PAX1: variants seen among roughly 807,000 people sequenced by gnomAD.
PAX1 encodes paired box 1.
In PAX1, 18 loss-of-function variants were observed where a neutral mutation model predicts 35.6. The ratio of observed to expected loss-of-function variants is 0.50; its 90% CI spans 0.35 to 0.75. The LOEUF is 0.75. Among genes scored for constraint, PAX1 ranks in the 30% least tolerant of loss-of-function variants. The probability of loss-of-function intolerance (pLI) is 0.01; values close to 1 mark genes in which losing one functional copy is unlikely to be tolerated. For synonymous variants in PAX1, 397 were observed against 305.2 expected, an observed-to-expected ratio of 1.30 and a Z score of -3.14; for missense variants, 760 against 661.5, an observed-to-expected ratio of 1.15 and a Z score of -1.63.
rs777916923 is a variant in PAX1 at position 21,705,897 on chromosome 20, G to T, written c.185G>T (p.Arg62Leu). 4.4e-6 allele frequency: 6 copies of T among 1,368,210 alleles called. No individual in the cohort carries two copies. In the South Asian group the frequency reaches 6.6e-5, roughly 15 times the overall value. The allele number at this position is 1,368,210 out of a possible 1,614,324, so 84.8% of individuals were successfully genotyped here. The change falls in exon 1 of 5, where the codon CGC becomes CTC. Residue 62 changes from arginine to leucine, a missense_variant. Around this residue, in one of 3 missense-constraint regions of PAX1, gnomAD observed 222 missense variants for 153.0 expected, o/e 1.45. Transcript: ENST00000613128. ...LSGALPLCLS[R>L]GGGGAQALPD... is the part of the protein sequence containing the mutation. ...GGCGCCCTCCCTCTATGCCTCTCAC[G>T]CGGCGGCGGCGGCGCCCAAGCTCTC...
chr20:21,717,704 T>C lies in PAX1; in HGVS notation c.*3142T>C, dbSNP rs1219075996. The C allele has an allele frequency of 6.6e-6, 1 of 152,198 alleles. No individual in the cohort carries two copies. Among genetic ancestry groups the C allele is most frequent in the African/African-American group, 2.4e-5 (1 of 41,454 alleles). The allele number at this position is 152,198 out of a possible 1,614,324, so 9.4% of individuals were successfully genotyped here. A position where few individuals can be genotyped will look rare whatever the true frequency, so the allele number is the denominator to read the frequency against. ...CATTTTTTTAATTTAAGAATAAGTT[T>C]TTTTTAGAAAAATATAGAGATGTAA... On this transcript the variant is annotated 3_prime_UTR_variant, in exon 5 of 5. Coordinates refer to ENST00000613128, the MANE Select transcript of PAX1 (RefSeq NM_001257096.2).
At chr20:21,711,769 C>G (rs1985205247) in intron 4 of PAX1, among the ~76,000 whole-genome samples, 1 of 152,148 alleles carries the variant, frequency 6.6e-6, no homozygotes, top group Non-Finnish European at 1.5e-5. Flanking sequence ...TACATACATG[C>G]TTGGGTTATG....
intron 3 of PAX1, 128 bp downstream of exon 3, chr20:21,708,828 C>T: frequency 2.1e-6 from 2 of 943,986 alleles, no homozygotes; most frequent in South Asian, 2.8e-5. Flanking sequence ...TGGCAGCCGG[C>T]TAGCAAGCGT....
chr20:21,708,243 C>G, intron 2 of PAX1: 1 of 519,156 alleles, frequency 1.9e-6, no homozygotes, highest in Non-Finnish European at 3.5e-6. Context: ...TCGGAAGTTT[C>G]TGGGAGCCGT....
chr20:21,713,377 T>TG (rs11482302), intron 4 of PAX1, among the ~76,000 whole-genome samples: 17,300 of 136,634 alleles, frequency 0.13, 2,084 homozygotes, highest in African/African-American at 0.36. Context: ...TGTTTTCTTT[T>TG]TTTTTTGTGT....
Position 21,705,824 on chromosome 20 carries a change from C to G in PAX1, c.112C>G (p.Gln38Glu). Residue 38 changes from glutamine to glutamate, a missense_variant, in exon 1 of 5, where the codon CAG becomes GAG. Gln to Glu is a conservative substitution (Grantham distance 29, BLOSUM62 2). Coordinates refer to ENST00000613128, the MANE Select transcript of PAX1 (RefSeq NM_001257096.2). ...AGGSALRCRA[Q>E]RVSSPRLGRR... The stretch of plus-strand genomic sequence containing the variant: ...CGGCAGCGCGCTCCGCTGCCGCGCA[C>G]AGCGCGTCTCCAGCCCGCGGCTGGG... 11 of 1,336,256 alleles carry G rather than the reference C, an allele frequency of 8.2e-6. No homozygotes were observed. In the South Asian group the frequency reaches 2.2e-4, roughly 27 times the overall value. The allele number at this position is 1,336,256 out of a possible 1,614,324, so 82.8% of individuals were successfully genotyped here. A position where few individuals can be genotyped will look rare whatever the true frequency, so the allele number is the denominator to read the frequency against.
At position 21,707,085 on chromosome 20, in the gene PAX1, C is replaced by T. The variant is rs1190431532; in HGVS notation, c.916+18C>T. The T allele has an allele frequency of 7.4e-6, 12 of 1,612,948 alleles. No individual in the cohort carries two copies. Among genetic ancestry groups the T allele is most frequent in the Non-Finnish European group, 1.0e-5 (12 of 1,179,996 alleles). ...GCAAACAGGTCAGTTGTGGCGGCCTCCGTAGCCTTCTATTAAGGGGCAGAA... is the reference window on the plus strand; with the variant it reads ...GCAAACAGGTCAGTTGTGGCGGCCTTCGTAGCCTTCTATTAAGGGGCAGAA... On this transcript the variant is annotated intron_variant, in intron 2 of 4. Transcript: ENST00000613128.
rs747727506 is a variant in PAX1, at chr20:21,708,695, A to C, written c.1054A>C (p.Thr352Pro). 11 of 1,613,460 alleles carry C rather than the reference A, an allele frequency of 6.8e-6. No homozygotes were observed. Among genetic ancestry groups the C allele is most frequent in the East Asian group, 2.2e-5 (1 of 44,866 alleles). ...KPALEADIKY[T>P]QSASTLSAVG... Reference sequence around the variant, plus strand: ...TGCCTTAGAGGCAGACATTAAATACACTCAGGTAACCAGGAGGCACGTGAG... The same window carrying C: ...TGCCTTAGAGGCAGACATTAAATACCCTCAGGTAACCAGGAGGCACGTGAG... Residue 352 changes from threonine to proline, a missense_variant, in exon 3 of 5, where the codon ACT becomes CCT. Around this residue, in one of 3 missense-constraint regions of PAX1, gnomAD observed 490 missense variants for 428.4 expected, o/e 1.14. Coordinates refer to ENST00000613128, the MANE Select transcript of PAX1 (RefSeq NM_001257096.2).
In PAX1 at chr20:21,708,600, T is replaced by A. The variant is rs1275580864; in HGVS notation, c.959T>A (p.Met320Lys). ...GAAGGCACCGCTTACTCTCCCAAGA[T>A]GGAAGACTGGGCCGGCGTGAACCGC... ...GSEGTAYSPK[M>K]EDWAGVNRTA... Residue 320 changes from methionine to lysine, a missense_variant, in exon 3 of 5, where the codon ATG becomes AAG. Transcript: ENST00000613128. 6.2e-7 allele frequency: 1 copy of A among 1,613,804 alleles called. No homozygotes were observed.
Position 21,709,179 on chromosome 20 carries a change from G to A in PAX1, c.1060-43G>A, listed in dbSNP as rs774406586. On this transcript the variant is annotated intron_variant, in intron 3 of 4. Transcript: ENST00000613128. ...CTCAGTGATGGCGTGGGCTAGAGAA[G>A]GCAGGATTTTCTGCTGCTGACGGTC... The A allele has an allele frequency of 3.4e-6, 5 of 1,456,136 alleles. No individual in the cohort carries two copies. The South Asian group carries it at 5.7e-5, about 17-fold the overall frequency. The allele number at this position is 1,456,136 out of a possible 1,614,324, so 90.2% of individuals were successfully genotyped here.
chr20:21,710,740 T>C (rs1985176639), intron 4 of PAX1, among the ~76,000 whole-genome samples: 1 of 152,198 alleles, frequency 6.6e-6, no homozygotes, highest in Admixed American at 6.5e-5. Context: ...TCCACAACAG[T>C]GAAATGAAGG....
intron 2 of PAX1, chr20:21,708,237 A>T (rs1286163905): frequency 2.0e-6 from 1 of 509,478 alleles, no homozygotes; most frequent in African/African-American, 1.9e-5. Flanking sequence ...TTGAACTCGG[A>T]AGTTTCTGGG....
rs1985364286 is a variant in PAX1, at chr20:21,716,160, G to C, written c.*1598G>C. 6.6e-6 allele frequency: 1 copy of C among 152,212 alleles called. No individual in the cohort carries two copies. The highest frequency in any genetic ancestry group is 6.5e-5 in the Admixed American group (1 of 15,284). The allele number at this position is 152,212 out of a possible 1,614,324, so 9.4% of individuals were successfully genotyped here. ...GGGCAAAAGGCAATGAGCCAGAATGGAGGATTTCTTCAGAACATTTCTAGT... is the reference window on the plus strand; with the variant it reads ...GGGCAAAAGGCAATGAGCCAGAATGCAGGATTTCTTCAGAACATTTCTAGT... On this transcript the variant is annotated 3_prime_UTR_variant, in exon 5 of 5. Coordinates refer to ENST00000613128, the MANE Select transcript of PAX1 (RefSeq NM_001257096.2).
intron 4 of PAX1, 39 bp from the exon 5 acceptor site, chr20:21,714,432 C>T: frequency 3.4e-6 from 5 of 1,473,316 alleles, no homozygotes; most frequent in Non-Finnish European, 4.6e-6. Context: ...CTGCGCGGCG[C>T]TAGGTAGTGA....
chr20:21,708,633 T>TC lies in PAX1; in HGVS notation c.996dup (p.Ala333ArgfsTer18). The TC allele has an allele frequency of 6.2e-7, 1 of 1,613,532 alleles. No homozygotes were observed. The highest frequency in any genetic ancestry group is 1.1e-5 in the South Asian group (1 of 91,076). Reference sequence around the variant, plus strand: ...TGGGCCGGCGTGAACCGCACGGCCTTCCCCGCCACCCCCGCAGTGAATGGG... The same window carrying TC: ...TGGGCCGGCGTGAACCGCACGGCCTTCCCCCGCCACCCCCGCAGTGAATGGG... On this transcript the variant is annotated frameshift_variant, in exon 3 of 5. Transcript: ENST00000613128. LOFTEE classifies it high-confidence loss of function.
intron 4 of PAX1, among the ~76,000 whole-genome samples, chr20:21,710,511 A>G (rs1190066369): frequency 6.6e-6 from 1 of 152,212 alleles, no homozygotes; most frequent in Admixed American, 6.5e-5. Context: ...CCCAGATTAT[A>G]AAAGGATTTT....
At chr20:21,711,231 G>A (rs1985190810) in intron 4 of PAX1, among the ~76,000 whole-genome samples, 1 of 152,256 alleles carries the variant, frequency 6.6e-6, no homozygotes, top group Admixed American at 6.5e-5. Context: ...AAGACCCACA[G>A]TCTTCAGAGG....
rs1984955478 is a variant in PAX1 at position 21,705,761 on chromosome 20, G to A, written c.49G>A (p.Glu17Lys). The change falls in exon 1 of 5, where the codon GAG becomes AAG. Residue 17 changes from glutamate to lysine, a missense_variant. Physicochemically the swap from Glu to Lys is moderately conservative, Grantham distance 56. Coordinates refer to ENST00000613128, the MANE Select transcript of PAX1 (RefSeq NM_001257096.2). ...LGSRAWRVSW[E>K]GAAAAAAGPG... ...GTCGCGGGCGTGGAGAGTGTCCTGG[G>A]AGGGGGCAGCAGCGGCGGCGGCAGG... 7.9e-7 allele frequency: 1 copy of A among 1,262,954 alleles called. No homozygotes were observed. The highest frequency in any genetic ancestry group is 3.1e-5 in the East Asian group (1 of 31,894). The allele number at this position is 1,262,954 out of a possible 1,614,324, so 78.2% of individuals were successfully genotyped here. A position where few individuals can be genotyped will look rare whatever the true frequency, so the allele number is the denominator to read the frequency against.
intron 4 of PAX1, 74 bp downstream of exon 4, chr20:21,709,518 TG>T: frequency 1.7e-6 from 2 of 1,191,300 alleles, no homozygotes; most frequent in East Asian, 2.6e-5. Flanking sequence ...GGTGTGAGCC[TG>T]GGAAAAGGGA....
Sources: allele counts gnomAD v4.1 joint callset (sites outside exome capture counted in the v4.1 genomes callset), GRCh38; gene constraint gnomAD v4.1.1; regional missense constraint gnomAD v4.1.1; transcripts MANE v1.5; gene names NCBI Gene and HGNC (gene_info 2026-07-23, HGNC 2026-07-21).